Variants in TRPC6 observed in about 807,000 individuals in gnomAD.
TRPC6 encodes the protein transient receptor potential cation channel subfamily C member 6, also known as short transient receptor potential channel 6.
A neutral mutation model predicts 90.7 loss-of-function variants in TRPC6; 55 were observed. That is an observed-to-expected ratio of 0.61 (90% confidence interval 0.49 to 0.76). The LOEUF (loss-of-function observed/expected upper bound fraction) is 0.76. Among genes scored for constraint, TRPC6 ranks in the 30% least tolerant of loss-of-function variants. TRPC6 has a pLI of 0.00. For missense variants in TRPC6, 989 were observed against 1,122.7 expected (o/e 0.88, Z 1.70); for synonymous variants, 393 against 393.0 (o/e 1.00, Z 0.00).
At chr11:101,485,230 A>C (rs907606193) in intron 4 of TRPC6, among the ~76,000 whole-genome samples, 1 of 151,960 alleles carries the variant, frequency 6.6e-6, no homozygotes, top group African/African-American at 2.4e-5. Context: ...TGCTGTAAAA[A>C]TATGCTTAGA....
chr11:101,471,476 A>G, intron 8 of TRPC6, 90 bp from the exon 9 acceptor site: 1 of 1,377,552 alleles, frequency 7.3e-7, no homozygotes, highest in Non-Finnish European at 1.0e-6. Flanking sequence ...ATGGAGGACA[A>G]TGCCTATAAA....
intron 1 of TRPC6, among the ~76,000 whole-genome samples, chr11:101,537,394 C>A (rs994288533): frequency 6.6e-6 from 1 of 151,894 alleles, no homozygotes; most frequent in African/African-American, 2.4e-5. Context: ...TATTTTTTTT[C>A]TCCTTGTATT....
chr11:101,510,817 G>A (rs1451489252), intron 1 of TRPC6, among the ~76,000 whole-genome samples: 1 of 152,118 alleles, frequency 6.6e-6, no homozygotes, highest in African/African-American at 2.4e-5. Flanking sequence ...TCCACAGCAT[G>A]TGTAGTAATT....
Position 101,509,020 on chromosome 11 carries a change from T to C in TRPC6, c.171-4222A>G, listed in dbSNP as rs376822886. On this transcript the variant is annotated intron_variant, in intron 1 of 12. Transcript: ENST00000344327. ...ATAATAAGCACATATATAGCACTTATAAAAATAAGAAGGACACTTGGACTT... is the reference window on the plus strand; with the variant it reads ...ATAATAAGCACATATATAGCACTTACAAAAATAAGAAGGACACTTGGACTT... 1.2e-4 allele frequency among the ~76,000 whole-genome samples: 18 copies of C among 151,930 alleles called. No individual in the cohort carries two copies. The East Asian group carries it at 2.9e-3, about 24-fold the overall frequency.
intron 1 of TRPC6, among the ~76,000 whole-genome samples, chr11:101,578,108 CTG>C (rs1283375905): frequency 6.6e-6 from 1 of 152,158 alleles, no homozygotes; most frequent in African/African-American, 2.4e-5. Context: ...CTGCTAGGCA[CTG>C]TGTTAAGATA....
intron 2 of TRPC6, among the ~76,000 whole-genome samples, chr11:101,499,906 T>C (rs1223463012): frequency 8.5e-6 from 1 of 118,138 alleles, no homozygotes; most frequent in Non-Finnish European, 1.8e-5. Context: ...AATGTGTATA[T>C]ATATACACAG....
At chr11:101,567,251 G>A (rs936962484) in intron 1 of TRPC6, among the ~76,000 whole-genome samples, 1 of 152,094 alleles carries the variant, frequency 6.6e-6, no homozygotes, top group Non-Finnish European at 1.5e-5. Context: ...AAAGCCCTGG[G>A]GAAGTTCCAA....
At chr11:101,502,947 C>A (rs553940360) in intron 2 of TRPC6, among the ~76,000 whole-genome samples, 73 of 143,798 alleles carry the variant, frequency 5.1e-4, no homozygotes, top group African/African-American at 1.9e-3. Context: ...AGTATAGAAA[C>A]AAGCATTCTC....
At chr11:101,485,126 TACAC>T (rs10639907) in intron 4 of TRPC6, among the ~76,000 whole-genome samples, 27 of 143,838 alleles carry the variant, frequency 1.9e-4, no homozygotes, top group African/African-American at 3.6e-4. Context: ...GGCCAAAGAA[TACAC>T]ACACACACAC....
chr11:101,517,539 T>C (rs1172673844), intron 1 of TRPC6, among the ~76,000 whole-genome samples: 1 of 152,248 alleles, frequency 6.6e-6, no homozygotes, highest in African/African-American at 2.4e-5. Context: ...GACTGAATGC[T>C]AGTTATTTAA....
chr11:101,512,673 T>C (rs4619120), intron 1 of TRPC6, among the ~76,000 whole-genome samples: 74,426 of 151,902 alleles, frequency 0.49, 18,640 homozygotes, highest in African/African-American at 0.55. Context: ...TCCTTGGGGA[T>C]CTGAACTTGA....
intron 4 of TRPC6, among the ~76,000 whole-genome samples, chr11:101,484,352 C>T (rs1448888924): frequency 6.6e-6 from 1 of 152,116 alleles, no homozygotes; most frequent in Non-Finnish European, 1.5e-5. Flanking sequence ...TTCATACTTT[C>T]TCATCAATGG....
intron 2 of TRPC6, among the ~76,000 whole-genome samples, chr11:101,502,674 A>C (rs1860158068): frequency 6.6e-6 from 1 of 152,200 alleles, no homozygotes; most frequent in South Asian, 2.1e-4. Flanking sequence ...AGTAGGTAAG[A>C]ATCTGAGACA....
chr11:101,549,825 A>G (rs1861411934), intron 1 of TRPC6, among the ~76,000 whole-genome samples: 2 of 151,442 alleles, frequency 1.3e-5, no homozygotes, highest in South Asian at 4.2e-4. Context: ...ATATAATACA[A>G]TTTTTAAAAT....
chr11:101,491,548 G>C lies in TRPC6; in HGVS notation c.1128+8C>G. 1 of 1,613,376 alleles carries C rather than the reference G, an allele frequency of 6.2e-7. No homozygotes were observed. The highest frequency in any genetic ancestry group is 8.5e-7 in the Non-Finnish European group (1 of 1,179,686). On this transcript the variant is annotated splice_region_variant and intron_variant, in intron 3 of 12. Transcript: ENST00000344327. ...AATAATGTAAACGGGCTTCACGCCTGACCTTACTTTTTTTACTTCATATTT... is the reference window on the plus strand; with the variant it reads ...AATAATGTAAACGGGCTTCACGCCTCACCTTACTTTTTTTACTTCATATTT...
chr11:101,463,666 AT>A (rs1187974589), intron 10 of TRPC6, among the ~76,000 whole-genome samples: 1 of 152,094 alleles, frequency 6.6e-6, no homozygotes, highest in African/African-American at 2.4e-5. Flanking sequence ...CCCCTATATC[AT>A]TTTTTATTGC....
At chr11:101,534,468 C>T (rs1860988658) in intron 1 of TRPC6, among the ~76,000 whole-genome samples, 1 of 152,046 alleles carries the variant, frequency 6.6e-6, no homozygotes, top group Non-Finnish European at 1.5e-5. Flanking sequence ...TGTACTACTA[C>T]TGCCCACACT....
chr11:101,581,907 T>G (rs1377563505), intron 1 of TRPC6, among the ~76,000 whole-genome samples: 1 of 152,158 alleles, frequency 6.6e-6, no homozygotes, highest in Non-Finnish European at 1.5e-5. Context: ...GCCATTAAAG[T>G]TGGAAAAGTC....
intron 1 of TRPC6, among the ~76,000 whole-genome samples, chr11:101,546,654 C>T (rs1406810679): frequency 6.6e-6 from 1 of 152,106 alleles, no homozygotes; most frequent in Non-Finnish European, 1.5e-5. Context: ...GAGTTTTAAA[C>T]ATGATGTATA....
Sources: allele counts gnomAD v4.1 joint callset (sites outside exome capture counted in the v4.1 genomes callset), GRCh38; gene constraint gnomAD v4.1.1; transcripts MANE v1.5; gene names NCBI Gene and HGNC (gene_info 2026-07-23, HGNC 2026-07-21).